TMED3: variants seen among roughly 807,000 people sequenced by gnomAD.
TMED3 encodes the protein transmembrane emp24 domain-containing protein 3.
In TMED3, 9 loss-of-function variants were observed where a neutral mutation model predicts 15.0. That is an observed-to-expected ratio of 0.60 (90% CI 0.36 to 1.04). The LOEUF (loss-of-function observed/expected upper bound fraction) is 1.04, where lower values mean the gene tolerates loss of function less well. Ranked by LOEUF, TMED3 falls within the 50% of genes least tolerant of loss-of-function variation. TMED3 has a pLI of 0.01. For missense variants in TMED3, 267 were observed against 278.9 expected, an observed-to-expected ratio of 0.96 and a Z score of 0.30; for synonymous variants, 117 against 121.4, an observed-to-expected ratio of 0.96 and a Z score of 0.24.
intron 2 of TMED3, chr15:79,411,355 C>T (rs976962535): frequency 1.4e-6 from 1 of 700,118 alleles, no homozygotes; most frequent in African/African-American, 1.7e-5. Flanking sequence ...GTTCATGGTT[C>T]CACATTTCAT....
chr15:79,346,295 C>T (rs2058871238), intron 2 of TMED3, among the ~76,000 whole-genome samples: 1 of 152,042 alleles, frequency 6.6e-6, no homozygotes, highest in Non-Finnish European at 1.5e-5. Flanking sequence ...CTTTGTGTCC[C>T]CACCCAAATC....
At position 79,375,013 on chromosome 15, in the gene TMED3, A is replaced by C. The variant is rs577640268; in HGVS notation, c.418-36387A>C. ...ACAACAAAGCCATCCTTAAATTGCT[A>C]ATCTTATGTCTTCACAATGCTAGAT... is the stretch of plus-strand genomic sequence containing the variant. On this transcript the variant is annotated intron_variant, in intron 2 of 2. Transcript: ENST00000424155. 6.6e-5 allele frequency among the ~76,000 whole-genome samples: 10 copies of C among 152,306 alleles called. No homozygotes were observed. The South Asian group carries it at 2.1e-3, about 32-fold the overall frequency.
At chr15:79,334,913 A>T (rs918837181) in intron 2 of TMED3, among the ~76,000 whole-genome samples, 1 of 152,238 alleles carries the variant, frequency 6.6e-6, no homozygotes. Flanking sequence ...GTGGAAGAGG[A>T]AACATCATTT....
chr15:79,314,746 TGACATTTTGGGGG>T (rs2058733489), intron 2 of TMED3: 31 of 278,058 alleles, frequency 1.1e-4, no homozygotes, highest in South Asian at 9.7e-4. Flanking sequence ...GGAGAAACGG[TGACATTTTGGGGG>T]GATAGTCATG....
intron 2 of TMED3, among the ~76,000 whole-genome samples, chr15:79,378,936 G>T (rs970633985): frequency 1.3e-5 from 2 of 152,086 alleles, no homozygotes; most frequent in East Asian, 3.9e-4. Flanking sequence ...AAGTAATATG[G>T]CAAAAGTGAT....
chr15:79,380,534 TGTA>T (rs1893510119), intron 2 of TMED3, among the ~76,000 whole-genome samples: 1 of 147,302 alleles, frequency 6.8e-6, no homozygotes, highest in African/African-American at 2.5e-5. Context: ...GTTATATATA[TGTA>T]GTTATATATA....
chr15:79,314,031 C>T, intron 2 of TMED3, 26 bp downstream of exon 2: 2 of 1,612,760 alleles, frequency 1.2e-6, no homozygotes, highest in Middle Eastern at 3.3e-4. Flanking sequence ...CAGTTCGGGG[C>T]TGCTGAACCC....
chr15:79,362,763 A>G (rs1476969280), intron 2 of TMED3, among the ~76,000 whole-genome samples: 1 of 152,164 alleles, frequency 6.6e-6, no homozygotes, highest in Non-Finnish European at 1.5e-5. Context: ...GCCATGTAAG[A>G]TGTGACTTTG....
chr15:79,334,542 A>G (rs2058820671), intron 2 of TMED3, among the ~76,000 whole-genome samples: 1 of 152,166 alleles, frequency 6.6e-6, no homozygotes. Context: ...CCCAAATCTC[A>G]GGAGAACTGA....
At chr15:79,364,035 C>G (rs1893181683) in intron 2 of TMED3, among the ~76,000 whole-genome samples, 1 of 152,166 alleles carries the variant, frequency 6.6e-6, no homozygotes, top group African/African-American at 2.4e-5. Context: ...TCTTGTCTCA[C>G]AACCAGGAAA....
chr15:79,393,159 A>G (rs1454183381), intron 2 of TMED3, among the ~76,000 whole-genome samples: 1 of 152,196 alleles, frequency 6.6e-6, no homozygotes, highest in Non-Finnish European at 1.5e-5. Context: ...ACTTTTTGGG[A>G]AGTTTTATCC....
At chr15:79,316,085 GGGTCCCCCTTT>G (rs2058739242) in intron 2 of TMED3, 1 of 152,254 alleles carries the variant, frequency 6.6e-6, no homozygotes, top group African/African-American at 2.4e-5. Flanking sequence ...TGCTTGGCAT[GGGTCCCCCTTT>G]ACCCAGCAGC....
intron 2 of TMED3, among the ~76,000 whole-genome samples, chr15:79,353,325 T>G (rs11855773): frequency 1.2e-5 from 1 of 85,408 alleles, no homozygotes; most frequent in South Asian, 3.2e-4. Context: ...ATAATATATA[T>G]AATATATATT....
intron 2 of TMED3, among the ~76,000 whole-genome samples, chr15:79,346,176 T>C (rs1233625782): frequency 1.3e-5 from 2 of 152,236 alleles, no homozygotes; most frequent in African/African-American, 4.8e-5. Context: ...TTTGTCAGTT[T>C]TTGCTTTTGT....
intron 2 of TMED3, among the ~76,000 whole-genome samples, chr15:79,356,696 C>T (rs1338538074): frequency 1.3e-5 from 2 of 152,182 alleles, no homozygotes; most frequent in African/African-American, 4.8e-5. Flanking sequence ...GAGCAGCTCA[C>T]TCTAAAAAAT....
intron 2 of TMED3, among the ~76,000 whole-genome samples, chr15:79,376,072 T>G (rs1384892289): frequency 6.7e-6 from 1 of 149,534 alleles, no homozygotes; most frequent in Admixed American, 6.6e-5. Flanking sequence ...CAAAACTTAC[T>G]TCATCTATTC....
At chr15:79,346,692 G>A (rs998806786) in intron 2 of TMED3, among the ~76,000 whole-genome samples, 1 of 152,046 alleles carries the variant, frequency 6.6e-6, no homozygotes, top group Non-Finnish European at 1.5e-5. Context: ...ATTGATTTTT[G>A]TATATGGTGT....
chr15:79,336,793 T>G (rs1362220044), intron 2 of TMED3, among the ~76,000 whole-genome samples: 1 of 152,006 alleles, frequency 6.6e-6, no homozygotes. Flanking sequence ...CCCAGCAAAC[T>G]CCACCCACTA....
rs139958522 is a variant in TMED3, at chr15:79,340,610, A to C, written c.417+26605A>C. On this transcript the variant is annotated intron_variant, in intron 2 of 2. Transcript: ENST00000424155. ...CTGGCGTGTAGTCAACAGTTAATGA[A>C]TGTTAGCCATAATTGTTATTCAGGA... 4.6e-5 allele frequency among the ~76,000 whole-genome samples: 7 copies of C among 152,322 alleles called. No individual in the cohort carries two copies. In the East Asian group the frequency reaches 1.3e-3, roughly 29 times the overall value.
Sources: allele counts gnomAD v4.1 joint callset (sites outside exome capture counted in the v4.1 genomes callset), GRCh38; gene constraint gnomAD v4.1.1; transcripts MANE v1.5; gene names NCBI Gene and HGNC (gene_info 2026-07-23, HGNC 2026-07-21).